The following PNPLA7 variants were observed in gnomAD, a reference collection of about 807,000 sequenced individuals.
The protein encoded by PNPLA7 is patatin like domain 7, lysophospholipase.
PNPLA7 carries 153 observed loss-of-function variants against 161.7 expected under a neutral mutation model. The observed-to-expected ratio is 0.95, with a 90% confidence interval of 0.83 to 1.08. PNPLA7 has a LOEUF of 1.08. Ranked by LOEUF, PNPLA7 falls within the 50% of genes least tolerant of loss-of-function variation. The pLI, the probability that PNPLA7 is intolerant of heterozygous loss-of-function variation, is 0.00. For missense variants in PNPLA7, 1,739 were observed against 1,856.6 expected (o/e 0.94, Z 1.16); for synonymous variants, 809 against 782.1 (o/e 1.03, Z -0.57).
At chr9:137,502,953 G>C (rs544271084) in intron 14 of PNPLA7, among the ~76,000 whole-genome samples, 1 of 151,900 alleles carries the variant, frequency 6.6e-6, no homozygotes, top group African/African-American at 2.4e-5. Flanking sequence ...CGAACGGTAC[G>C]GAAGGGGTGC....
At position 137,462,255 on chromosome 9, in the gene PNPLA7, C is replaced by T. The variant is rs914654108; in HGVS notation, c.3569G>A (p.Ser1190Asn). ...CVRQLEVVKS[S>N]DYCEYLRPPI... ...GGGGCGCAGGTACTCGCAGTAGTCACTGCTCTTCACCACCTCCAGCTGCCG... is the reference window on the plus strand; with the variant it reads ...GGGGCGCAGGTACTCGCAGTAGTCATTGCTCTTCACCACCTCCAGCTGCCG... Residue 1190 changes from serine to asparagine, a missense_variant, in exon 31 of 35, where the codon AGT (serine) becomes AAT (asparagine). By Grantham distance (46) the Ser-to-Asn change is conservative. Coordinates refer to ENST00000406427, the MANE Select transcript of PNPLA7 (RefSeq NM_001098537.3). The T allele has an allele frequency of 3.7e-6, 6 of 1,611,638 alleles. No individual in the cohort carries two copies. In the African/African-American group the frequency reaches 8.0e-5, roughly 22 times the overall value.
chr9:137,521,213 C>A (rs1019460557), intron 10 of PNPLA7, among the ~76,000 whole-genome samples: 3 of 152,160 alleles, frequency 2.0e-5, no homozygotes, highest in African/African-American at 7.2e-5. Context: ...AGGGAAGGAG[C>A]GTGTGTGTGG....
rs1357238516 is a variant in PNPLA7 at position 137,461,765 on chromosome 9, T to G, written c.3757-145A>C. On this transcript the variant is annotated intron_variant, in intron 32 of 34. Transcript: ENST00000406427. ...CAAGTAAGGGCAGGGACCGGGGAGA[T>G]GCGCAGTCCTGAGCAATCCTTGTCC... 5.9e-6 allele frequency: 7 copies of G among 1,185,872 alleles called. No homozygotes were observed. In the Admixed American group the frequency reaches 1.5e-4, roughly 25 times the overall value. 73.5% of individuals were successfully genotyped at this position (1,185,872 alleles called of 1,614,324 possible).
intron 8 of PNPLA7, among the ~76,000 whole-genome samples, chr9:137,528,668 C>A (rs764565300): frequency 2.0e-5 from 3 of 149,738 alleles, no homozygotes; most frequent in Non-Finnish European, 4.4e-5. Context: ...CTCCAGTTTT[C>A]TTTTAATTGG....
chr9:137,518,061 C>A (rs1834723249), intron 11 of PNPLA7, among the ~76,000 whole-genome samples: 1 of 118,570 alleles, frequency 8.4e-6, no homozygotes, highest in Non-Finnish European at 1.7e-5. Flanking sequence ...CTCACTCACT[C>A]CACTCTGTCC....
intron 1 of PNPLA7, among the ~76,000 whole-genome samples, chr9:137,549,837 C>T (rs1055157884): frequency 6.6e-6 from 1 of 152,122 alleles, no homozygotes; most frequent in Non-Finnish European, 1.5e-5. Flanking sequence ...CAGGCAAAGT[C>T]CTAAAGGAAC....
At chr9:137,463,968 C>T (rs1051689028) in intron 28 of PNPLA7, among the ~76,000 whole-genome samples, 158 bp downstream of exon 28, 2 of 152,196 alleles carry the variant, frequency 1.3e-5, no homozygotes, top group African/African-American at 4.8e-5. Context: ...TGTCTGTGCC[C>T]CTAGTAGGGG....
intron 8 of PNPLA7, among the ~76,000 whole-genome samples, chr9:137,532,617 G>C (rs1487199626): frequency 6.6e-6 from 1 of 152,202 alleles, no homozygotes; most frequent in African/African-American, 2.4e-5. Context: ...GTCATGGCTG[G>C]TGGAGCCCTC....
rs1835128174 is a variant in PNPLA7, at chr9:137,523,290, C to G, written c.748-433G>C. Among the ~76,000 whole-genome samples the G allele has an allele frequency of 1.3e-5, 2 of 152,248 alleles. No homozygotes were observed. Among genetic ancestry groups the G allele is most frequent in the Middle Eastern group, 6.8e-3 (2 of 294 alleles). ...TTCCTAAAAAGGCCACCGAGAGGGT[C>G]AGGAGCCACCACTGTCAAATGCCCA... On this transcript the variant is annotated intron_variant, in intron 8 of 34. Transcript: ENST00000406427. The surrounding 1 kb of genome is among the most constrained non-coding windows in gnomAD (Gnocchi z 4.4).
rs1831204368 is a variant in PNPLA7, at chr9:137,461,674, C to T, written c.3757-54G>A. On this transcript the variant is annotated intron_variant, in intron 32 of 34. Transcript: ENST00000406427. The stretch of plus-strand genomic sequence containing the variant: ...CCTGTGGACACCCGCCTGCCAGTCC[C>T]CAGCCTGCTTCCTGTGGGGAGGCCC... 4 of 1,516,652 alleles carry T rather than the reference C, an allele frequency of 2.6e-6. No individual in the cohort carries two copies. The South Asian group carries it at 4.8e-5, about 18-fold the overall frequency. The allele number at this position is 1,516,652 out of a possible 1,614,324, so 93.9% of individuals were successfully genotyped here.
At chr9:137,494,047 C>G (rs938083587) in intron 19 of PNPLA7, among the ~76,000 whole-genome samples, 1 of 152,148 alleles carries the variant, frequency 6.6e-6, no homozygotes, top group Non-Finnish European at 1.5e-5. Flanking sequence ...AGGATGAGCC[C>G]CAGGGGTGGT....
At chr9:137,479,644 TG>T (rs1265373731) in intron 23 of PNPLA7, 31 of 985,184 alleles carry the variant, frequency 3.1e-5, no homozygotes, top group Non-Finnish European at 3.7e-5. Context: ...AGGCTTGTGA[TG>T]AGAACAGAGC....
intron 21 of PNPLA7, among the ~76,000 whole-genome samples, chr9:137,481,800 G>A (rs1030377875): frequency 9.9e-5 from 15 of 152,230 alleles, no homozygotes; most frequent in African/African-American, 3.6e-4. Flanking sequence ...GCTGGGTGTG[G>A]TGGCGGGCGC....
rs1230531443 is a variant in PNPLA7, at chr9:137,486,156, C to T, written c.2198-1420G>A. Among the ~76,000 whole-genome samples the T allele has an allele frequency of 1.3e-5, 2 of 152,046 alleles. No homozygotes were observed. The highest frequency in any genetic ancestry group is 2.9e-5 in the Non-Finnish European group (2 of 68,008). On this transcript the variant is annotated intron_variant, in intron 20 of 34. Coordinates refer to ENST00000406427, the MANE Select transcript of PNPLA7 (RefSeq NM_001098537.3). This position sits in a 1 kb window ranked among gnomAD's most constrained non-coding sequence, Gnocchi z 6.0. ...TGGCTTCCAAAATCCACCAGACACG[C>T]AGGTCCTGATTGGCCAAGGTCAGAG...
In PNPLA7 at chr9:137,486,230, G is replaced by A. The variant is rs1185455734; in HGVS notation, c.2198-1494C>T. 6.6e-6 allele frequency among the ~76,000 whole-genome samples: 1 copy of A among 152,032 alleles called. No individual in the cohort carries two copies. Among genetic ancestry groups the A allele is most frequent in the Non-Finnish European group, 1.5e-5 (1 of 68,022 alleles). On this transcript the variant is annotated intron_variant, in intron 20 of 34. Coordinates refer to ENST00000406427, the MANE Select transcript of PNPLA7 (RefSeq NM_001098537.3). This position sits in a 1 kb window ranked among gnomAD's most constrained non-coding sequence, Gnocchi z 6.0. ...GAAGAGGCCAGGAGAGCAAGCCTGG[G>A]GACACAGAACCAAGTGAGGGCTTAA... is the stretch of plus-strand genomic sequence containing the variant.
chr9:137,505,961 G>T, intron 13 of PNPLA7, 22 bp downstream of exon 13: 1 of 1,594,882 alleles, frequency 6.3e-7, no homozygotes, highest in Non-Finnish European at 8.5e-7. Context: ...GGCGGAGGGT[G>T]AGAATGACAG....
Position 137,499,576 on chromosome 9 carries a change from AGCACGCTGCGGTGTCAGG to A in PNPLA7, c.1757+1097_1757+1114del, listed in dbSNP as rs1833265770. Among the ~76,000 whole-genome samples the A allele has an allele frequency of 6.6e-6, 1 of 152,332 alleles. No individual in the cohort carries two copies. Among genetic ancestry groups the A allele is most frequent in the Admixed American group, 6.5e-5 (1 of 15,306 alleles). ...GACTTGGAGCCTCAGTCTCCCCATC[AGCACGCTGCGGTGTCAGG>A]GCACCCGGCATCGGGACCTGGCTGG... On this transcript the variant is annotated intron_variant, in intron 16 of 34. Coordinates refer to ENST00000406427, the MANE Select transcript of PNPLA7 (RefSeq NM_001098537.3). This position sits in a 1 kb window ranked among gnomAD's most constrained non-coding sequence, Gnocchi z 5.5.
chr9:137,506,005 G>A lies in PNPLA7; in HGVS notation c.1304C>T (p.Pro435Leu), dbSNP rs1430786750. 18 of 1,612,192 alleles carry A rather than the reference G, an allele frequency of 1.1e-5. No individual in the cohort carries two copies. The highest frequency in any genetic ancestry group is 3.3e-5 in the Admixed American group (2 of 59,790). Residue 435 changes from proline to leucine, a missense_variant, in exon 13 of 35, where the codon CCC becomes CTC. Transcript: ENST00000406427. ...TACCTTGCTGGCCACGGAGCTCCCGGGGTGCTCGTCCGAGTGCAGGAAGAC... is the reference window on the plus strand; with the variant it reads ...TACCTTGCTGGCCACGGAGCTCCCGAGGTGCTCGTCCGAGTGCAGGAAGAC... Reference protein sequence around the residue: ...ARVFLHSDEHPGSSVASKSRK... With the variant: ...ARVFLHSDEHLGSSVASKSRK...
chr9:137,525,300 T>G (rs906707679), intron 8 of PNPLA7, among the ~76,000 whole-genome samples: 6 of 152,054 alleles, frequency 3.9e-5, no homozygotes, highest in African/African-American at 1.4e-4. Context: ...AGATGAGAGA[T>G]CGTAGAAATA....
Sources: gnomAD v4.1 joint callset for allele counts (sites outside exome capture counted in the v4.1 genomes callset) on GRCh38, gnomAD v4.1.1 for gene constraint, Gnocchi (gnomAD v3.1) non-coding constraint, MANE v1.5 for transcripts, NCBI Gene and HGNC (gene_info 2026-07-23, HGNC 2026-07-21) for gene names.